The following SMARCA4 variants were observed in gnomAD, a reference collection of about 807,000 sequenced individuals.
The protein encoded by SMARCA4 is SWI/SNF related BAF chromatin remodeling complex subunit ATPase 4.
A neutral mutation model predicts 193.9 loss-of-function variants in SMARCA4; 31 were observed. The observed-to-expected ratio is 0.16, with a 90% CI of 0.12 to 0.22. The LOEUF is 0.22. Ranked by LOEUF, SMARCA4 falls within the 10% of genes least tolerant of loss-of-function variation. The pLI is 1.00. For synonymous variants in SMARCA4, 942 were observed against 933.1 expected, an observed-to-expected ratio of 1.01 and a Z score of -0.17; for missense variants, 1,148 against 2,296.0, an observed-to-expected ratio of 0.50 and a Z score of 10.22.
rs2083759715 is a variant in SMARCA4 at position 10,961,155 on chromosome 19, G to A, written c.-51G>A. 1 of 148,618 alleles carries A rather than the reference G, an allele frequency of 6.7e-6. No homozygotes were observed. Among genetic ancestry groups the A allele is most frequent in the South Asian group, 2.1e-4 (1 of 4,838 alleles). 9.2% of individuals were successfully genotyped at this position (148,618 alleles called of 1,614,324 possible). The stretch of plus-strand genomic sequence containing the variant: ...GGGGCGGGGGAGGCGCCGGGAAGTC[G>A]ACGGCGCCGGCGGCTCCTGGTAAGG... On this transcript the variant is annotated 5_prime_UTR_variant, in exon 1 of 35. Transcript: ENST00000344626.
At chr19:10,977,054 T>C (rs890220677) in intron 1 of SMARCA4, among the ~76,000 whole-genome samples, 1 of 152,132 alleles carries the variant, frequency 6.6e-6, no homozygotes, top group Non-Finnish European at 1.5e-5. Context: ...AGACTCTGTC[T>C]CCAAAACAAA....
chr19:11,029,460 C>T (rs901856948), intron 24 of SMARCA4, among the ~76,000 whole-genome samples: 16 of 152,258 alleles, frequency 1.1e-4, no homozygotes, highest in Non-Finnish European at 1.8e-4. Flanking sequence ...AGGGTAGGAG[C>T]TCAGTGAAGT....
rs149011468 is a variant in SMARCA4, at chr19:10,969,078, C to T, written c.-32+7904C>T. ...GCCCTGGAGTCAAAGAGACTTGAGG[C>T]GGGATTCTGTTCTGCATGGCTTAAC... On this transcript the variant is annotated intron_variant, in intron 1 of 34. Coordinates refer to ENST00000344626, the MANE Select transcript of SMARCA4 (RefSeq NM_003072.5). Among the ~76,000 whole-genome samples the T allele has an allele frequency of 1.3e-3, 194 of 152,266 alleles. 1 individual carries two copies. The highest frequency in any genetic ancestry group is 4.3e-3 in the African/African-American group (180 of 41,554).
intron 30 of SMARCA4, among the ~76,000 whole-genome samples, chr19:11,055,355 C>A (rs942745810): frequency 1.3e-5 from 2 of 152,046 alleles, no homozygotes; most frequent in African/African-American, 2.4e-5. Flanking sequence ...ACGCCTGGCT[C>A]ATTTTTGTAT....
intron 1 of SMARCA4, among the ~76,000 whole-genome samples, chr19:10,964,253 G>T (rs566533607): frequency 1.3e-5 from 2 of 152,196 alleles, no homozygotes; most frequent in African/African-American, 4.8e-5. Flanking sequence ...GTTTGTGGGA[G>T]GTGGGAGCAT....
In SMARCA4 at chr19:11,030,045, C is replaced by T. The variant is rs1040698391; in HGVS notation, c.3383-685C>T. Among the ~76,000 whole-genome samples the T allele has an allele frequency of 6.6e-6, 1 of 152,164 alleles. No homozygotes were observed. The highest frequency in any genetic ancestry group is 1.5e-5 in the Non-Finnish European group (1 of 68,030). On this transcript the variant is annotated intron_variant, in intron 24 of 34. Transcript: ENST00000344626. The surrounding 1 kb of genome is among the most constrained non-coding windows in gnomAD (Gnocchi z 5.5). ...GCACCTCTGTCCGAACTCCCAGCAGCGCAGGGAGTGTTGACATTGCCTTAA... is the reference window on the plus strand; with the variant it reads ...GCACCTCTGTCCGAACTCCCAGCAGTGCAGGGAGTGTTGACATTGCCTTAA...
chr19:11,042,850 C>T (rs900257508), intron 30 of SMARCA4, among the ~76,000 whole-genome samples: 2 of 151,686 alleles, frequency 1.3e-5, no homozygotes, highest in Non-Finnish European at 2.9e-5. Context: ...ATTACCTGGG[C>T]GTGGTGGCAC....
At chr19:10,995,111 G>C (rs2086903266) in intron 9 of SMARCA4, 110 bp downstream of exon 9, 1 of 1,047,512 alleles carries the variant, frequency 9.5e-7, no homozygotes, top group South Asian at 1.4e-5. Context: ...CTCGGAGTTA[G>C]AGGTGGGACA....
rs2086169905 is a variant in SMARCA4, at chr19:10,987,620, G to A, written c.860-46G>A. ...AGCTTTCCATTTCCAGCCCGGGATG[G>A]GCCCCAGAGCTCAACATGACGCCCT... On this transcript the variant is annotated intron_variant, in intron 5 of 34. Transcript: ENST00000344626. This position sits in a 1 kb window ranked among gnomAD's most constrained non-coding sequence, Gnocchi z 5.3. 3 of 1,610,636 alleles carry A rather than the reference G, an allele frequency of 1.9e-6. No individual in the cohort carries two copies. Among genetic ancestry groups the A allele is most frequent in the Non-Finnish European group, 2.5e-6 (3 of 1,178,072 alleles).
rs62129063 is a variant in SMARCA4, at chr19:11,025,330, A to C, written c.3082-92A>C. 31,001 of 819,296 alleles carry C rather than the reference A, an allele frequency of 0.038. 825 individuals are homozygous for C. Among genetic ancestry groups the C allele is most frequent in the Non-Finnish European group, 0.053 (24,735 of 468,602 alleles). The allele number at this position is 819,296 out of a possible 1,614,324, so 50.8% of individuals were successfully genotyped here. On this transcript the variant is annotated intron_variant, in intron 21 of 34. Coordinates refer to ENST00000344626, the MANE Select transcript of SMARCA4 (RefSeq NM_003072.5). ...CACTCTTCCCCACTAGAGCGTCCCC[A>C]TGGCCCTTCTCCCAACACCCACCCA...
intron 30 of SMARCA4, among the ~76,000 whole-genome samples, chr19:11,050,856 G>T (rs1373882473): frequency 6.6e-6 from 1 of 152,338 alleles, no homozygotes; most frequent in East Asian, 1.9e-4. Flanking sequence ...GGGACAGGGG[G>T]GCTCCTCAGG....
intron 16 of SMARCA4, among the ~76,000 whole-genome samples, chr19:11,017,252 G>A (rs377468947): frequency 6.6e-6 from 1 of 152,184 alleles, no homozygotes; most frequent in Non-Finnish European, 1.5e-5. Flanking sequence ...CGGTACCTCC[G>A]GGAAGCATCT....
Position 11,019,002 on chromosome 19 carries a change from C to T in SMARCA4, c.2484C>T (p.Ser828=), listed in dbSNP as rs757282448. ...ACGAGTTTGACAAGTGGGCCCCCTC[C>T]GTGGTGAAGGTGTCTTACAAGGTAG... is the stretch of plus-strand genomic sequence containing the variant. ...WAYEFDKWAP[S]VVKVSYKGSP... is the part of the protein sequence containing the mutation. Residue 828 remains serine (S), a synonymous_variant, in exon 17 of 35, where the codon TCC becomes TCT. Transcript: ENST00000344626. The surrounding 1 kb of genome is among the most constrained non-coding windows in gnomAD (Gnocchi z 6.1). 29 of 1,613,938 alleles carry T rather than the reference C, an allele frequency of 1.8e-5. No homozygotes were observed. The highest frequency in any genetic ancestry group is 2.7e-5 in the African/African-American group (2 of 74,940).
intron 29 of SMARCA4, among the ~76,000 whole-genome samples, chr19:11,039,172 G>C (rs543198370): frequency 1.3e-5 from 2 of 152,290 alleles, no homozygotes; most frequent in South Asian, 4.1e-4. Flanking sequence ...TGGCCAACAT[G>C]GCAAAAACCC....
At chr19:10,982,138 G>A (rs1191702008) in intron 1 of SMARCA4, among the ~76,000 whole-genome samples, 2 of 152,038 alleles carry the variant, frequency 1.3e-5, no homozygotes, top group African/African-American at 4.8e-5. Flanking sequence ...TCAGACGTTC[G>A]AGACCAGCCT....
intron 34 of SMARCA4, among the ~76,000 whole-genome samples, chr19:11,061,360 G>A (rs1239264736): frequency 6.6e-6 from 1 of 151,332 alleles, no homozygotes; most frequent in Non-Finnish European, 1.5e-5. Flanking sequence ...GTGGAGCCTC[G>A]AAGGTCCCGA....
At chr19:10,996,072 G>A (rs1436799351) in intron 9 of SMARCA4, 141 bp from the exon 10 acceptor site, 4 of 839,586 alleles carry the variant, frequency 4.8e-6, no homozygotes, top group Non-Finnish European at 8.4e-6. Flanking sequence ...ATGAGGAGTC[G>A]ATTGCCGTGT....
chr19:11,050,576 G>A (rs2076202718), intron 30 of SMARCA4, among the ~76,000 whole-genome samples: 1 of 152,252 alleles, frequency 6.6e-6, no homozygotes, highest in African/African-American at 2.4e-5. Flanking sequence ...GGCAGGGGCT[G>A]GCTGCTACTG....
rs2145769920 is a variant in SMARCA4, at chr19:10,986,172, C to T, written c.356-17C>T. On this transcript the variant is annotated splice_polypyrimidine_tract_variant and intron_variant, in intron 3 of 34. Coordinates refer to ENST00000344626, the MANE Select transcript of SMARCA4 (RefSeq NM_003072.5). The surrounding 1 kb of genome is among the most constrained non-coding windows in gnomAD (Gnocchi z 6.7). ...CATATGCTGCCGAGTGACCAGTGGG[C>T]TGACCTTTCTCTGCAGGTTACCCCT... is the stretch of plus-strand genomic sequence containing the variant. The T allele has an allele frequency of 6.2e-7, 1 of 1,604,064 alleles. No homozygotes were observed. The highest frequency in any genetic ancestry group is 8.5e-7 in the Non-Finnish European group (1 of 1,171,218).
Sources: allele counts gnomAD v4.1 joint callset (sites outside exome capture counted in the v4.1 genomes callset), GRCh38; gene constraint gnomAD v4.1.1; non-coding constraint Gnocchi (gnomAD v3.1); transcripts MANE v1.5; gene names NCBI Gene and HGNC (gene_info 2026-07-23, HGNC 2026-07-21).